The following AOPEP variants were observed in gnomAD, a reference collection of about 807,000 sequenced individuals.
The protein encoded by AOPEP is aminopeptidase O (putative), also known as aminopeptidase O.
In AOPEP, 77 loss-of-function variants were observed where a neutral mutation model predicts 98.1. That is an observed-to-expected ratio of 0.78 (90% CI 0.65 to 0.95). The LOEUF is 0.95. Ranked by LOEUF, AOPEP falls within the 40% of genes least tolerant of loss-of-function variation. AOPEP has a pLI of 0.00. For missense variants in AOPEP, 1,024 were observed against 1,024.7 expected, an observed-to-expected ratio of 1.00 and a Z score of 0.01; for synonymous variants, 346 against 365.3, an observed-to-expected ratio of 0.95 and a Z score of 0.60.
intron 5 of AOPEP, among the ~76,000 whole-genome samples, chr9:94,887,174 G>A (rs763646973): frequency 2.0e-5 from 3 of 150,812 alleles, no homozygotes; most frequent in Non-Finnish European, 2.9e-5. Flanking sequence ...GACCCCCCCC[G>A]TCTCTACAAA....
At chr9:95,143,596 C>T in the AOPEP span, among the ~76,000 whole-genome samples, 593 of 152,316 alleles carry the variant, frequency 3.9e-3, 3 homozygotes, top group African/African-American at 0.014. Flanking sequence ...TATTATATCA[C>T]GAGATCACCG....
intron 3 of AOPEP, among the ~76,000 whole-genome samples, chr9:94,782,517 C>T (rs1843522199): frequency 6.6e-6 from 1 of 152,188 alleles, no homozygotes; most frequent in South Asian, 2.1e-4. Flanking sequence ...TCTGAGAGTC[C>T]AGACCCTCCT....
At chr9:95,016,142 T>TCCC (rs568322048) in intron 13 of AOPEP, among the ~76,000 whole-genome samples, 14 of 148,932 alleles carry the variant, frequency 9.4e-5, no homozygotes, top group African/African-American at 3.5e-4. Context: ...TTTTTTTTTT[T>TCCC]CCCCCCACGG....
At chr9:95,072,649 A>G (rs1035487547) in intron 14 of AOPEP, among the ~76,000 whole-genome samples, 10 of 152,178 alleles carry the variant, frequency 6.6e-5, no homozygotes, top group Admixed American at 6.5e-4. Context: ...TATTATTTTA[A>G]AAAAGAGATT....
At chr9:94,981,898 C>A (rs2060208820) in intron 11 of AOPEP, among the ~76,000 whole-genome samples, 1 of 152,150 alleles carries the variant, frequency 6.6e-6, no homozygotes, top group African/African-American at 2.4e-5. Flanking sequence ...TTTGTCTTCT[C>A]TCAGGAAGAC....
At chr9:95,037,155 T>C (rs1441278386) in intron 13 of AOPEP, among the ~76,000 whole-genome samples, 1 of 152,164 alleles carries the variant, frequency 6.6e-6, no homozygotes, top group Non-Finnish European at 1.5e-5. Flanking sequence ...GTATTATTGA[T>C]TTGGTTTTAA....
chr9:94,764,544 A>T (rs1372054051), intron 2 of AOPEP, among the ~76,000 whole-genome samples: 2 of 152,166 alleles, frequency 1.3e-5, no homozygotes, highest in Non-Finnish European at 2.9e-5. Flanking sequence ...GCCACTTGGG[A>T]GGCTGAGGTG....
intron 5 of AOPEP, among the ~76,000 whole-genome samples, chr9:94,817,758 C>G (rs191932137): frequency 6.6e-6 from 1 of 152,136 alleles, no homozygotes; most frequent in Non-Finnish European, 1.5e-5. Context: ...TTTGGCATTC[C>G]GGAGGGCAGT....
chr9:95,143,214 G>A, the AOPEP span, among the ~76,000 whole-genome samples: 1 of 152,242 alleles, frequency 6.6e-6, no homozygotes, highest in Non-Finnish European at 1.5e-5. Flanking sequence ...AGGCCTGGGG[G>A]AAAGTTCTGA....
At chr9:94,739,796 G>T (rs565510979) in intron 1 of AOPEP, among the ~76,000 whole-genome samples, 1 of 152,224 alleles carries the variant, frequency 6.6e-6, no homozygotes, top group East Asian at 1.9e-4. Context: ...CTATTGGTTG[G>T]ACTGTTCTTC....
At chr9:95,141,981 T>TG in the AOPEP span, among the ~76,000 whole-genome samples, 3 of 121,774 alleles carry the variant, frequency 2.5e-5, no homozygotes, top group East Asian at 2.6e-4. Context: ...TAACAGTTTG[T>TG]GGGGTTTTTT....
At chr9:94,910,281 G>T (rs908227407) in intron 5 of AOPEP, among the ~76,000 whole-genome samples, 2 of 152,164 alleles carry the variant, frequency 1.3e-5, no homozygotes, top group Non-Finnish European at 2.9e-5. Context: ...TGGCTCTGAA[G>T]CAGGGTACTC....
chr9:94,843,096 T>TTCTC, intron 5 of AOPEP, among the ~76,000 whole-genome samples: 1 of 152,304 alleles, frequency 6.6e-6, no homozygotes, highest in African/African-American at 2.4e-5. Flanking sequence ...ACTACAGCCT[T>TTCTC]TCTCTCTCTC....
chr9:95,102,617 G>A, the AOPEP span, among the ~76,000 whole-genome samples: 10 of 152,332 alleles, frequency 6.6e-5, no homozygotes, highest in East Asian at 1.7e-3. Flanking sequence ...AGCCAGAGCA[G>A]CCCAAGGTCA....
chr9:94,756,862 C>T (rs1348516621), intron 1 of AOPEP, among the ~76,000 whole-genome samples: 4 of 152,102 alleles, frequency 2.6e-5, no homozygotes, highest in Non-Finnish European at 5.9e-5. Flanking sequence ...GTTCTGGAAG[C>T]TTTAACTTGA....
chr9:94,744,890 AATC>A (rs1834110590), intron 1 of AOPEP, among the ~76,000 whole-genome samples: 1 of 152,010 alleles, frequency 6.6e-6, no homozygotes, highest in African/African-American at 2.4e-5. Context: ...CTGTTGAAAT[AATC>A]TGTTGACTTC....
chr9:95,136,951 C>T, the AOPEP span, among the ~76,000 whole-genome samples: 10 of 152,318 alleles, frequency 6.6e-5, no homozygotes, highest in African/African-American at 1.9e-4. Context: ...GAGCTGCCCC[C>T]GAGAGCCACC....
At chr9:94,728,298 A>T (rs1423091433) in intron 1 of AOPEP, among the ~76,000 whole-genome samples, 2 of 151,490 alleles carry the variant, frequency 1.3e-5, no homozygotes, top group East Asian at 3.9e-4. Flanking sequence ...GAATGAGATA[A>T]ATGGCAAACA....
intron 11 of AOPEP, among the ~76,000 whole-genome samples, chr9:94,992,759 C>T (rs572483583): frequency 1.2e-4 from 18 of 152,280 alleles, no homozygotes; most frequent in Admixed American, 6.5e-4. Context: ...CGTCCGGTGC[C>T]GTGCTGAGGC....
Sources: allele counts gnomAD v4.1 joint callset (sites outside exome capture counted in the v4.1 genomes callset), GRCh38; gene constraint gnomAD v4.1.1; transcripts MANE v1.5; gene names NCBI Gene and HGNC (gene_info 2026-07-23, HGNC 2026-07-21).